SMAD2: variants seen among roughly 807,000 people sequenced by gnomAD.
SMAD2 encodes SMAD family member 2.
In SMAD2, 8 loss-of-function variants were observed where a neutral mutation model predicts 64.4. The ratio of observed to expected loss-of-function variants is 0.12; its 90% CI spans 0.07 to 0.22. The LOEUF is 0.22. Among genes scored for constraint, SMAD2 ranks in the 10% least tolerant of loss-of-function variants. SMAD2 has a pLI of 1.00. For synonymous variants in SMAD2, 203 were observed against 195.8 expected (o/e 1.04, Z -0.31); for missense variants, 289 against 561.2 (o/e 0.51, Z 4.90).
At chr18:47,852,891 C>T (rs1443444370) in intron 6 of SMAD2, among the ~76,000 whole-genome samples, 1 of 152,108 alleles carries the variant, frequency 6.6e-6, no homozygotes, top group African/African-American at 2.4e-5. Context: ...TTTTAAAACA[C>T]ATTTGCTATA....
chr18:47,869,497 AGT>A, intron 3 of SMAD2, 61 bp from the exon 4 acceptor site: 8 of 1,162,536 alleles, frequency 6.9e-6, no homozygotes, highest in Non-Finnish European at 1.0e-5. Flanking sequence ...AAAAAAGTGC[AGT>A]CAAATGGGCT....
At chr18:47,892,586 A>T (rs2144460140) in intron 2 of SMAD2, among the ~76,000 whole-genome samples, 1 of 152,368 alleles carries the variant, frequency 6.6e-6, no homozygotes, top group East Asian at 1.9e-4. Context: ...GTTTATAAAG[A>T]GTGGCATAAA....
intron 6 of SMAD2, among the ~76,000 whole-genome samples, chr18:47,859,114 T>C (rs988865904): frequency 2.0e-5 from 3 of 152,142 alleles, no homozygotes; most frequent in African/African-American, 7.2e-5. Flanking sequence ...AAATGCATTT[T>C]ATAATTAGGG....
At chr18:47,843,556 T>A (rs534733062) in intron 10 of SMAD2, among the ~76,000 whole-genome samples, 24 of 152,148 alleles carry the variant, frequency 1.6e-4, no homozygotes, top group South Asian at 6.2e-4. Context: ...TAAGGAAATT[T>A]AAAAAAAATA....
chr18:47,870,923 T>TA (rs2031894656), intron 2 of SMAD2, among the ~76,000 whole-genome samples: 1 of 152,142 alleles, frequency 6.6e-6, no homozygotes, highest in East Asian at 1.9e-4. Flanking sequence ...TCCAGTTTTT[T>TA]AAAAAATTAT....
chr18:47,839,140 A>T lies in SMAD2; in HGVS notation c.*2687T>A, dbSNP rs982696925. 1 of 233,302 alleles carries T rather than the reference A, an allele frequency of 4.3e-6. No homozygotes were observed. The highest frequency in any genetic ancestry group is 8.5e-6 in the Non-Finnish European group (1 of 118,064). The allele number at this position is 233,302 out of a possible 1,614,324, so 14.5% of individuals were successfully genotyped here. A position where few individuals can be genotyped will look rare whatever the true frequency, so the allele number is the denominator to read the frequency against. ...CCAGGAAGTAAACTGCTCAACAGGT[A>T]TAACTGCTCAATAGGTGTTTTCAAA... On this transcript the variant is annotated 3_prime_UTR_variant, in exon 11 of 11. Coordinates refer to ENST00000262160, the MANE Select transcript of SMAD2 (RefSeq NM_005901.6).
intron 1 of SMAD2, among the ~76,000 whole-genome samples, chr18:47,925,894 A>C (rs2034742048): frequency 6.6e-6 from 1 of 152,238 alleles, no homozygotes; most frequent in Admixed American, 6.5e-5. Context: ...AGAGTCAAGA[A>C]ACCCTCAACA....
chr18:47,906,088 C>A (rs1017204590), intron 1 of SMAD2, among the ~76,000 whole-genome samples: 1 of 151,096 alleles, frequency 6.6e-6, no homozygotes, highest in Non-Finnish European at 1.5e-5. Flanking sequence ...GCACTCCAGG[C>A]TGAGTGGCAG....
In SMAD2 at chr18:47,841,805, A is replaced by G. The variant is rs377677740; in HGVS notation, c.*22T>C. 1.9e-6 allele frequency: 3 copies of G among 1,613,970 alleles called. No homozygotes were observed. In the African/African-American group the frequency reaches 4.0e-5, roughly 22 times the overall value. ...AAGAGTTGTTACATTAAGTCTTTTC[A>G]TGGGACTTGATTGGTGAAGCTTTAT... On this transcript the variant is annotated 3_prime_UTR_variant, in exon 11 of 11. Transcript: ENST00000262160.
At chr18:47,842,217 G>C (rs546412271) in intron 10 of SMAD2, among the ~76,000 whole-genome samples, 13 of 152,090 alleles carry the variant, frequency 8.5e-5, no homozygotes, top group African/African-American at 2.2e-4. Context: ...ATCCAAAATG[G>C]AACACCTGAG....
At position 47,882,041 on chromosome 18, in the gene SMAD2, C is replaced by CTTTTTTTTTTTTTTT. The variant is rs71162900; in HGVS notation, c.237-11492_237-11478dup. Among the ~76,000 whole-genome samples the CTTTTTTTTTTTTTTT allele has an allele frequency of 3.8e-3, 146 of 38,862 alleles. 36 individuals carry two copies. Among genetic ancestry groups the CTTTTTTTTTTTTTTT allele is most frequent in the East Asian group, 0.011 (13 of 1,164 alleles). 25.5% of individuals were successfully genotyped at this position (38,862 alleles called of 152,430 possible). On this transcript the variant is annotated intron_variant, in intron 2 of 10. Transcript: ENST00000262160. ...CACAGGAATGTACTACCACGCTTGG[C>CTTTTTTTTTTTTTTT]TTTTTTTTTTTTTTTTTTTTTTTTT...
rs1598723200 is a variant in SMAD2, at chr18:47,822,116, A to G, written c.*19711T>C. 6.6e-6 allele frequency: 1 copy of G among 152,190 alleles called. No individual in the cohort carries two copies. The highest frequency in any genetic ancestry group is 2.1e-4 in the South Asian group (1 of 4,828). The allele number at this position is 152,190 out of a possible 1,614,324, so 9.4% of individuals were successfully genotyped here. On this transcript the variant is annotated 3_prime_UTR_variant, in exon 11 of 11. Coordinates refer to ENST00000262160, the MANE Select transcript of SMAD2 (RefSeq NM_005901.6). ...ACTAGACACAGTTACATTTATGAGT[A>G]TGTTATTGATATGAGTGTTCCAAAA...
Position 47,896,791 on chromosome 18 carries a change from A to T in SMAD2, c.-35T>A. 1 of 1,605,506 alleles carries T rather than the reference A, an allele frequency of 6.2e-7. No homozygotes were observed. Among genetic ancestry groups the T allele is most frequent in the Non-Finnish European group, 8.5e-7 (1 of 1,175,880 alleles). Reference sequence around the variant, plus strand: ...AAAGGCAGCAAGCCACGCTAGGAAAACAGCCTCTTGTATCGAACCTAGCAG... The same window carrying T: ...AAAGGCAGCAAGCCACGCTAGGAAATCAGCCTCTTGTATCGAACCTAGCAG... On this transcript the variant is annotated 5_prime_UTR_variant, in exon 2 of 11. Coordinates refer to ENST00000262160, the MANE Select transcript of SMAD2 (RefSeq NM_005901.6).
At chr18:47,916,410 A>ATTTTGTTTTG (rs540473126) in intron 1 of SMAD2, among the ~76,000 whole-genome samples, 1 of 135,374 alleles carries the variant, frequency 7.4e-6, no homozygotes, top group African/African-American at 2.6e-5. Flanking sequence ...TTATTTATTT[A>ATTTTGTTTTG]TTTTGTTTTG....
At chr18:47,847,559 A>T (rs566153840) in intron 8 of SMAD2, among the ~76,000 whole-genome samples, 1 of 152,194 alleles carries the variant, frequency 6.6e-6, no homozygotes, top group South Asian at 2.1e-4. Flanking sequence ...ACTGAGATTT[A>T]AAAAATTCAT....
chr18:47,877,677 C>G (rs1384505208), intron 2 of SMAD2, among the ~76,000 whole-genome samples: 1 of 151,974 alleles, frequency 6.6e-6, no homozygotes, highest in Admixed American at 6.6e-5. Context: ...TTTTATTTGC[C>G]TCAGAATCCA....
rs1441533702 is a variant in SMAD2, at chr18:47,850,676, TTA to T, written c.784+596_784+597del. On this transcript the variant is annotated intron_variant, in intron 7 of 10. Transcript: ENST00000262160. ...ATATATATTATATACTATATATATA[TTA>T]TATATATAATGTATAATATATATTA... 2.4e-4 allele frequency among the ~76,000 whole-genome samples: 8 copies of T among 33,022 alleles called. 1 individual carries two copies. Among genetic ancestry groups the T allele is most frequent in the Non-Finnish European group, 4.3e-4 (8 of 18,428 alleles). The allele number at this position is 33,022 out of a possible 152,430, so 21.7% of individuals were successfully genotyped here. A position where few individuals can be genotyped will look rare whatever the true frequency, so the allele number is the denominator to read the frequency against.
At chr18:47,881,493 TAG>T (rs1396339494) in intron 2 of SMAD2, among the ~76,000 whole-genome samples, 1 of 152,226 alleles carries the variant, frequency 6.6e-6, no homozygotes, top group Non-Finnish European at 1.5e-5. Context: ...GCTATATTTA[TAG>T]ATTCTTTAGG....
At chr18:47,856,008 T>C (rs2030642129) in intron 6 of SMAD2, among the ~76,000 whole-genome samples, 1 of 152,252 alleles carries the variant, frequency 6.6e-6, no homozygotes, top group African/African-American at 2.4e-5. Flanking sequence ...TGGAGGGTTA[T>C]ACACACAATT....
Sources: allele counts gnomAD v4.1 joint callset (sites outside exome capture counted in the v4.1 genomes callset), GRCh38; gene constraint gnomAD v4.1.1; transcripts MANE v1.5; gene names NCBI Gene and HGNC (gene_info 2026-07-23, HGNC 2026-07-21).